The following ASIC2 variants were observed in gnomAD, a reference collection of about 807,000 sequenced individuals.
ASIC2 encodes the protein acid-sensing ion channel 2.
In ASIC2, 25 loss-of-function variants were observed where a neutral mutation model predicts 57.3. The observed-to-expected ratio is 0.44, with a 90% CI of 0.32 to 0.61. ASIC2 has a LOEUF of 0.61. ASIC2 is among the 20% of genes least tolerant of loss of function. The pLI, the probability that ASIC2 is intolerant of heterozygous loss-of-function variation, is 0.06. For missense variants in ASIC2, 641 were observed against 738.1 expected (o/e 0.87, Z 1.52); for synonymous variants, 319 against 307.5 (o/e 1.04, Z -0.39).
intron 1 of ASIC2, among the ~76,000 whole-genome samples, chr17:33,245,265 G>A (rs1908650577): frequency 6.6e-6 from 1 of 152,200 alleles, no homozygotes; most frequent in African/African-American, 2.4e-5. Context: ...CAATTAAAGT[G>A]CAGTAGGAGC....
chr17:33,658,673 C>A (rs1043687243), intron 1 of ASIC2, among the ~76,000 whole-genome samples: 3 of 152,134 alleles, frequency 2.0e-5, no homozygotes. Context: ...TAAGTGCATG[C>A]ATCCCATTCA....
chr17:33,950,551 G>T (rs1904526503), intron 1 of ASIC2, among the ~76,000 whole-genome samples: 1 of 152,242 alleles, frequency 6.6e-6, no homozygotes, highest in Non-Finnish European at 1.5e-5. Flanking sequence ...AGATGGGGCA[G>T]CAATGAGTGG....
intron 1 of ASIC2, among the ~76,000 whole-genome samples, chr17:33,197,336 C>T (rs1375653540): frequency 1.3e-5 from 2 of 152,158 alleles, no homozygotes; most frequent in East Asian, 3.9e-4. Flanking sequence ...ATGGTACTGG[C>T]AATATTACCC....
chr17:33,334,928 A>G (rs1907455982), intron 1 of ASIC2, among the ~76,000 whole-genome samples: 1 of 152,242 alleles, frequency 6.6e-6, no homozygotes. Context: ...AGCATAATAC[A>G]GTGTAAAGTA....
intron 1 of ASIC2, among the ~76,000 whole-genome samples, chr17:33,728,775 A>T (rs186568129): frequency 1.2e-3 from 190 of 152,306 alleles, no homozygotes; most frequent in African/African-American, 4.3e-3. Flanking sequence ...GGGAAGGCAG[A>T]GGAAGAGTTA....
Position 34,156,516 on chromosome 17 carries a change from C to A in ASIC2, c.17G>T (p.Ser6Ile). The stretch of plus-strand genomic sequence containing the variant: ...AGGTTGCAGGCTGCCCTCACTGGGG[C>A]TTTCCTTGAGGTCCATCGGGACCCC... The change falls in exon 1 of 10, where the codon AGC (serine) becomes ATC (isoleucine). Residue 6 changes from serine to isoleucine, a missense_variant. Transcript: ENST00000359872. The surrounding 1 kb of genome is among the most constrained non-coding windows in gnomAD (Gnocchi z 4.4). 6.3e-7 allele frequency: 1 copy of A among 1,597,534 alleles called. No individual in the cohort carries two copies. Among genetic ancestry groups the A allele is most frequent in the Non-Finnish European group, 8.6e-7 (1 of 1,168,752 alleles).
In ASIC2 at chr17:34,054,607, A is replaced by G. The variant is rs553774068; in HGVS notation, c.555+101371T>C. 7.2e-5 allele frequency among the ~76,000 whole-genome samples: 11 copies of G among 152,324 alleles called. No homozygotes were observed. The South Asian group carries it at 2.1e-3, about 29-fold the overall frequency. ...TGCCAGATGGTCTTCAAAACATGCC[A>G]AAATAGTTATCATGTCCTACCCGAT... On this transcript the variant is annotated intron_variant, in intron 1 of 9. Transcript: ENST00000359872.
At chr17:34,150,916 C>T (rs996770803) in intron 1 of ASIC2, among the ~76,000 whole-genome samples, 8 of 151,986 alleles carry the variant, frequency 5.3e-5, no homozygotes, top group East Asian at 1.9e-4. Flanking sequence ...AGTACGAGAC[C>T]GGCCTGGCCA....
intron 1 of ASIC2, chr17:33,680,493 C>T (rs1234783483): frequency 1.3e-5 from 2 of 152,256 alleles, no homozygotes; most frequent in African/African-American, 4.8e-5. Context: ...GCTACAGCTA[C>T]AAAAGACCAC....
chr17:33,231,598 C>T (rs1908094102), intron 1 of ASIC2, among the ~76,000 whole-genome samples: 1 of 152,124 alleles, frequency 6.6e-6, no homozygotes, highest in African/African-American at 2.4e-5. Context: ...ACTGCTGATC[C>T]CCACCTCCAA....
At chr17:34,016,166 T>C (rs1906946001) in intron 1 of ASIC2, among the ~76,000 whole-genome samples, 1 of 151,860 alleles carries the variant, frequency 6.6e-6, no homozygotes, top group Non-Finnish European at 1.5e-5. Flanking sequence ...GGCTCATGCC[T>C]GTAATCCCAG....
chr17:33,026,966 T>C (rs1327558057), intron 4 of ASIC2, among the ~76,000 whole-genome samples: 1 of 152,178 alleles, frequency 6.6e-6, no homozygotes, highest in African/African-American at 2.4e-5. Context: ...TTATTATTCG[T>C]ATTTAAAACA....
intron 1 of ASIC2, among the ~76,000 whole-genome samples, chr17:33,814,017 G>A (rs1912505668): frequency 6.6e-6 from 1 of 152,084 alleles, no homozygotes; most frequent in Non-Finnish European, 1.5e-5. Context: ...TGATTCAGGT[G>A]GGTAGGTTCA....
chr17:33,071,331 T>A (rs1278941250), intron 3 of ASIC2, among the ~76,000 whole-genome samples: 2 of 152,216 alleles, frequency 1.3e-5, no homozygotes, highest in African/African-American at 4.8e-5. Context: ...TCAAGTTAAC[T>A]AATCTTTTCC....
chr17:33,065,902 C>T (rs935344943), intron 3 of ASIC2, among the ~76,000 whole-genome samples: 4 of 152,116 alleles, frequency 2.6e-5, no homozygotes, highest in African/African-American at 7.2e-5. Flanking sequence ...ACGGATGAGG[C>T]CCGAAAAGTC....
chr17:33,580,760 G>A (rs1438203380), intron 1 of ASIC2, among the ~76,000 whole-genome samples: 2 of 152,292 alleles, frequency 1.3e-5, no homozygotes, highest in East Asian at 3.9e-4. Flanking sequence ...TAAGGTGGTA[G>A]TAATGTCTTA....
chr17:33,788,857 C>T (rs11871717), intron 1 of ASIC2, among the ~76,000 whole-genome samples: 1,921 of 152,040 alleles, frequency 0.013, 37 homozygotes, highest in African/African-American at 0.044. Context: ...ACATTGAGAA[C>T]GCATAGATGT....
chr17:33,452,133 C>T (rs1912273500), intron 1 of ASIC2, among the ~76,000 whole-genome samples: 1 of 152,220 alleles, frequency 6.6e-6, no homozygotes, highest in South Asian at 2.1e-4. Flanking sequence ...GCACTGACTG[C>T]CAACCTAAGG....
chr17:33,389,645 A>G (rs1340306906), intron 1 of ASIC2, among the ~76,000 whole-genome samples: 1 of 152,252 alleles, frequency 6.6e-6, no homozygotes, highest in Non-Finnish European at 1.5e-5. Context: ...CCCATTAGTT[A>G]AATCTGTCTG....
Sources: gnomAD v4.1 joint callset for allele counts (sites outside exome capture counted in the v4.1 genomes callset) on GRCh38, gnomAD v4.1.1 for gene constraint, Gnocchi (gnomAD v3.1) non-coding constraint, MANE v1.5 for transcripts, NCBI Gene and HGNC (gene_info 2026-07-23, HGNC 2026-07-21) for gene names.